RLBP1: variants seen among roughly 807,000 people sequenced by gnomAD.
RLBP1 encodes retinaldehyde-binding protein 1.
In RLBP1, 26 loss-of-function variants were observed where a neutral mutation model predicts 36.2. The observed-to-expected ratio is 0.72, with a 90% CI of 0.53 to 1.00. RLBP1 has a LOEUF of 1.00. Ranked by LOEUF, RLBP1 falls within the 50% of genes least tolerant of loss-of-function variation. The probability of loss-of-function intolerance (pLI) is 0.00; values close to 1 mark genes in which losing one functional copy is unlikely to be tolerated. For missense variants in RLBP1, 410 were observed against 402.4 expected (o/e 1.02, Z -0.16); for synonymous variants, 155 against 156.2 (o/e 0.99, Z 0.06).
At position 89,210,516 on chromosome 15, in the gene RLBP1, G is replaced by T; in HGVS notation, c.796-73C>A. The T allele has an allele frequency of 1.9e-6, 3 of 1,547,442 alleles. 1 individual carries two copies. The South Asian group carries it at 3.4e-5, about 17-fold the overall frequency. On this transcript the variant is annotated intron_variant, in intron 8 of 8. Transcript: ENST00000268125. This position sits in a 1 kb window ranked among gnomAD's most constrained non-coding sequence, Gnocchi z 4.7. ...AGGATGAGGGTTGAGGGAGGAAAGG[G>T]GCAGGAGGACAAAGCCCCATCATGT...
Position 89,217,122 on chromosome 15 carries a change from C to G in RLBP1, c.344G>C (p.Arg115Thr). ...GTCCCTCCAAGCACTGGCCTCACCT[C>G]TGAGCAGCTCATAGGCACGGCCCAC... ...FNVGRAYELL[R>T]GYVNFRLQYP... Residue 115 changes from arginine (R) to threonine (T), a missense_variant and splice_region_variant, in exon 5 of 9, where the codon AGA (arginine) becomes ACA (threonine). By Grantham distance (71) the Arg-to-Thr change is moderately conservative (BLOSUM62 -1). Transcript: ENST00000268125. The G allele has an allele frequency of 6.2e-7, 1 of 1,613,980 alleles. No individual in the cohort carries two copies.
chr15:89,210,238 G>C lies in RLBP1; in HGVS notation c.*47C>G. The C allele has an allele frequency of 6.2e-7, 1 of 1,607,828 alleles. No individual in the cohort carries two copies. The highest frequency in any genetic ancestry group is 8.5e-7 in the Non-Finnish European group (1 of 1,176,752). On this transcript the variant is annotated 3_prime_UTR_variant, in exon 9 of 9. Coordinates refer to ENST00000268125, the MANE Select transcript of RLBP1 (RefSeq NM_000326.5). The surrounding 1 kb of genome is among the most constrained non-coding windows in gnomAD (Gnocchi z 4.7). The stretch of plus-strand genomic sequence containing the variant: ...TAGCCTTGGGTCCAGGACAGTTGAG[G>C]AGAGGCCCAGAGATTCTAACTACAG...
Position 89,211,543 on chromosome 15 carries a change from G to A in RLBP1, c.684+200C>T, listed in dbSNP as rs914824450. On this transcript the variant is annotated intron_variant, in intron 7 of 8. Transcript: ENST00000268125. The surrounding 1 kb of genome is among the most constrained non-coding windows in gnomAD (Gnocchi z 5.8). ...AGGGAGAGAATGCTCTCAAGGAGTC[G>A]ATGGAAGAATGAAAGGGAATACTTG... Among the ~76,000 whole-genome samples, 6 of 152,172 alleles carry A rather than the reference G, an allele frequency of 3.9e-5. No individual in the cohort carries two copies. The highest frequency in any genetic ancestry group is 2.1e-4 in the South Asian group (1 of 4,818).
At position 89,210,690 on chromosome 15, in the gene RLBP1, C is replaced by G; in HGVS notation, c.795+9G>C. On this transcript the variant is annotated intron_variant, in intron 8 of 8. Transcript: ENST00000268125. The surrounding 1 kb of genome is among the most constrained non-coding windows in gnomAD (Gnocchi z 4.7). Reference sequence around the variant, plus strand: ...CTTGTCTCATTGTCTGGGCGGCCCACGTACTCACCCTCTCAAGCAGCTTGC... The same window carrying G: ...CTTGTCTCATTGTCTGGGCGGCCCAGGTACTCACCCTCTCAAGCAGCTTGC... The G allele has an allele frequency of 6.4e-7, 1 of 1,573,538 alleles. No homozygotes were observed. Among genetic ancestry groups the G allele is most frequent in the Non-Finnish European group, 8.7e-7 (1 of 1,153,852 alleles).
intron 4 of RLBP1, 141 bp from the exon 5 acceptor site, chr15:89,217,465 A>C: frequency 1.3e-6 from 1 of 783,436 alleles, no homozygotes; most frequent in South Asian, 1.5e-5. Context: ...TTTCTGCCCC[A>C]GGGGCAGCAT....
intron 4 of RLBP1, 43 bp from the exon 5 acceptor site, chr15:89,217,367 G>A (rs2051591251): frequency 1.3e-6 from 2 of 1,582,770 alleles, no homozygotes; most frequent in Non-Finnish European, 1.7e-6. Context: ...CTTAGGTGCG[G>A]GTGAGGGGCA....
intron 1 of RLBP1, among the ~76,000 whole-genome samples, chr15:89,221,003 C>CTT (rs562626834): frequency 2.4e-4 from 31 of 129,260 alleles, no homozygotes; most frequent in African/African-American, 3.2e-4. Context: ...TAAATGTGAA[C>CTT]TTTTTTTTTT....
chr15:89,211,759 A>G lies in RLBP1; in HGVS notation c.668T>C (p.Met223Thr). 2 of 1,613,976 alleles carry G rather than the reference A, an allele frequency of 1.2e-6. No individual in the cohort carries two copies. Among genetic ancestry groups the G allele is most frequent in the South Asian group, 2.2e-5 (2 of 91,068 alleles). Residue 223 changes from methionine to threonine, a missense_variant, in exon 7 of 9, where the codon ATG becomes ACG. Physicochemically the swap from Met to Thr is moderately conservative, Grantham distance 81. Coordinates refer to ENST00000268125, the MANE Select transcript of RLBP1 (RefSeq NM_000326.5). The surrounding 1 kb of genome is among the most constrained non-coding windows in gnomAD (Gnocchi z 5.8). ...AAGCCTCACCTGGAGCATGTCCACC[A>G]TCTTCCTGAGATCTGAAGTCCGGAG... ...ASLRTSDLRK[M>T]VDMLQDSFPA...
Position 89,211,765 on chromosome 15 carries a change from C to T in RLBP1, c.662G>A (p.Arg221Lys), listed in dbSNP as rs926048242. 1.2e-6 allele frequency: 2 copies of T among 1,613,908 alleles called. No homozygotes were observed. Among genetic ancestry groups the T allele is most frequent in the African/African-American group, 2.7e-5 (2 of 74,928 alleles). ...QAASLRTSDLRKMVDMLQDSF... is the reference protein window; with the variant it reads ...QAASLRTSDLKKMVDMLQDSF... ...CACCTGGAGCATGTCCACCATCTTC[C>T]TGAGATCTGAAGTCCGGAGACTAGC... The change falls in exon 7 of 9, where the codon AGG (arginine) becomes AAG (lysine). Residue 221 changes from arginine to lysine, a missense_variant. By Grantham distance (26) the Arg-to-Lys change is conservative. Transcript: ENST00000268125. The surrounding 1 kb of genome is among the most constrained non-coding windows in gnomAD (Gnocchi z 5.8).
rs1378186357 is a variant in RLBP1, at chr15:89,218,639, C to G, written c.67G>C (p.Glu23Gln). ...CCATGGTCCTTGGTTGTGAGCTGCT[C>G]CAGTTGGGCACGGAGCTCCTGTTCC... is the stretch of plus-strand genomic sequence containing the variant. ...EEEQELRAQL[E>Q]QLTTKDHGPV... The change falls in exon 4 of 9, where the codon GAG becomes CAG. Residue 23 changes from glutamate to glutamine, a missense_variant. Physicochemically the swap from Glu to Gln is conservative, Grantham distance 29. Transcript: ENST00000268125. This position sits in a 1 kb window ranked among gnomAD's most constrained non-coding sequence, Gnocchi z 4.6. 6.2e-7 allele frequency: 1 copy of G among 1,614,186 alleles called. No homozygotes were observed. Among genetic ancestry groups the G allele is most frequent in the East Asian group, 2.2e-5 (1 of 44,880 alleles).
rs2051523672 is a variant in RLBP1, at chr15:89,210,105, C to G, written c.*180G>C. On this transcript the variant is annotated 3_prime_UTR_variant, in exon 9 of 9. Transcript: ENST00000268125. The surrounding 1 kb of genome is among the most constrained non-coding windows in gnomAD (Gnocchi z 4.7). Reference sequence around the variant, plus strand: ...CAGTTCTTCTTGTTCAAGGGAATTCCCCCTCCTTTATTACCCATCCCCCAA... The same window carrying G: ...CAGTTCTTCTTGTTCAAGGGAATTCGCCCTCCTTTATTACCCATCCCCCAA... 1 of 667,572 alleles carries G rather than the reference C, an allele frequency of 1.5e-6. No individual in the cohort carries two copies. The highest frequency in any genetic ancestry group is 1.8e-5 in the African/African-American group (1 of 56,104). 41.4% of individuals were successfully genotyped at this position (667,572 alleles called of 1,614,324 possible). A position where few individuals can be genotyped will look rare whatever the true frequency, so the allele number is the denominator to read the frequency against.
intron 6 of RLBP1, 109 bp from the exon 7 acceptor site, chr15:89,212,010 G>C: frequency 8.6e-7 from 1 of 1,158,544 alleles, no homozygotes; most frequent in Non-Finnish European, 1.3e-6. Context: ...GTAATTTGCT[G>C]CAGGCTTTGA....
chr15:89,216,560 G>A (rs929782414), intron 5 of RLBP1, among the ~76,000 whole-genome samples: 3 of 152,200 alleles, frequency 2.0e-5, no homozygotes, highest in African/African-American at 4.8e-5. Flanking sequence ...GACTTCAGAT[G>A]ATCTGCCCGC....
chr15:89,210,830 C>A lies in RLBP1; in HGVS notation c.685-21G>T. ...GAATCCTGCGGTGACAGAGAGATAC[C>A]CCGTTCCCCATGGCCCCAGTGACCT... On this transcript the variant is annotated intron_variant, in intron 7 of 8. Coordinates refer to ENST00000268125, the MANE Select transcript of RLBP1 (RefSeq NM_000326.5). The surrounding 1 kb of genome is among the most constrained non-coding windows in gnomAD (Gnocchi z 4.7). The A allele has an allele frequency of 1.3e-6, 2 of 1,520,970 alleles. No homozygotes were observed. The highest frequency in any genetic ancestry group is 1.4e-5 in the African/African-American group (1 of 72,810). The allele number at this position is 1,520,970 out of a possible 1,614,324, so 94.2% of individuals were successfully genotyped here. A position where few individuals can be genotyped will look rare whatever the true frequency, so the allele number is the denominator to read the frequency against.
rs1282841511 is a variant in RLBP1, at chr15:89,210,004, C to T, written c.*281G>A. On this transcript the variant is annotated 3_prime_UTR_variant, in exon 9 of 9. Transcript: ENST00000268125. The surrounding 1 kb of genome is among the most constrained non-coding windows in gnomAD (Gnocchi z 4.7). ...AAGGAAATGACTGAGAAAATGAATT[C>T]GAGTCTTTGAAATACAACCTTACAC... 2.3e-5 allele frequency: 11 copies of T among 484,800 alleles called. No individual in the cohort carries two copies. The highest frequency in any genetic ancestry group is 5.6e-4 in the Middle Eastern group (1 of 1,792). The allele number at this position is 484,800 out of a possible 1,614,324, so 30.0% of individuals were successfully genotyped here.
Position 89,218,231 on chromosome 15 carries a change from C to G in RLBP1, c.141+334G>C, listed in dbSNP as rs1033062406. 2.0e-5 allele frequency among the ~76,000 whole-genome samples: 3 copies of G among 152,222 alleles called. No homozygotes were observed. Among genetic ancestry groups the G allele is most frequent in the Non-Finnish European group, 4.4e-5 (3 of 68,026 alleles). Reference sequence around the variant, plus strand: ...GTAGGTCTGGTTCTGGAACTCAAGTCTCTTGCCTGTCTAGCAGGGGCAGCA... The same window carrying G: ...GTAGGTCTGGTTCTGGAACTCAAGTGTCTTGCCTGTCTAGCAGGGGCAGCA... On this transcript the variant is annotated intron_variant, in intron 4 of 8. Transcript: ENST00000268125. This position sits in a 1 kb window ranked among gnomAD's most constrained non-coding sequence, Gnocchi z 4.6.
At position 89,214,970 on chromosome 15, in the gene RLBP1, T is replaced by G; in HGVS notation, c.525+90A>C. 7.2e-7 allele frequency: 1 copy of G among 1,397,514 alleles called. No homozygotes were observed. The highest frequency in any genetic ancestry group is 1.0e-6 in the Non-Finnish European group (1 of 985,470). 86.6% of individuals were successfully genotyped at this position (1,397,514 alleles called of 1,614,324 possible). ...TTCCCCCTCTACAGACCTTGCCTCC[T>G]GGAGAACCAGGAATGAGGGCCCAGT... On this transcript the variant is annotated intron_variant, in intron 6 of 8. Coordinates refer to ENST00000268125, the MANE Select transcript of RLBP1 (RefSeq NM_000326.5). The surrounding 1 kb of genome is among the most constrained non-coding windows in gnomAD (Gnocchi z 4.6).
intron 1 of RLBP1, 121 bp from the exon 2 acceptor site, chr15:89,219,980 G>A (rs2051613702): frequency 6.6e-6 from 1 of 152,252 alleles, no homozygotes; most frequent in East Asian, 1.9e-4. Flanking sequence ...TATTTTTGGA[G>A]ACAGCTCTTC....
At chr15:89,216,806 G>A (rs1195808148) in intron 5 of RLBP1, among the ~76,000 whole-genome samples, 1 of 152,222 alleles carries the variant, frequency 6.6e-6, no homozygotes, top group Admixed American at 6.5e-5. Context: ...AGGTTCTCAT[G>A]GTGGGGGTCT....
Sources: allele counts gnomAD v4.1 joint callset (sites outside exome capture counted in the v4.1 genomes callset), GRCh38; gene constraint gnomAD v4.1.1; non-coding constraint Gnocchi (gnomAD v3.1); transcripts MANE v1.5; gene names NCBI Gene and HGNC (gene_info 2026-07-23, HGNC 2026-07-21).